The following TRAK1 variants were observed in gnomAD, a reference collection of about 807,000 sequenced individuals.
TRAK1 encodes the protein trafficking kinesin protein 1, also known as trafficking kinesin-binding protein 1.
TRAK1 carries 33 observed loss-of-function variants against 92.1 expected under a neutral mutation model. The observed-to-expected ratio is 0.36, with a 90% CI of 0.27 to 0.48. The LOEUF is 0.48. Among genes scored for constraint, TRAK1 ranks in the 20% least tolerant of loss-of-function variants. The pLI is 0.99. For missense variants in TRAK1, 1,123 were observed against 1,257.9 expected (o/e 0.89, Z 1.62); for synonymous variants, 521 against 517.3 (o/e 1.01, Z -0.10).
chr3:42,195,002 G>A, intron 10 of TRAK1, 61 bp downstream of exon 10: 1 of 1,588,500 alleles, frequency 6.3e-7, no homozygotes. Flanking sequence ...GGAGCACAGT[G>A]TCTGACATTC....
At chr3:42,029,534 G>A (rs927198270) in intron 1 of TRAK1, among the ~76,000 whole-genome samples, 39 of 151,632 alleles carry the variant, frequency 2.6e-4, no homozygotes, top group African/African-American at 8.5e-4. Context: ...GAGTCAGTGT[G>A]CCCAGCCTGA....
intron 1 of TRAK1, among the ~76,000 whole-genome samples, chr3:42,059,728 G>C (rs958291712): frequency 6.6e-6 from 1 of 152,194 alleles, no homozygotes; most frequent in East Asian, 1.9e-4. Flanking sequence ...CTTCTACAGA[G>C]AGACAGCTAG....
chr3:42,125,193 C>G (rs1710395982), intron 1 of TRAK1, among the ~76,000 whole-genome samples: 1 of 150,698 alleles, frequency 6.6e-6, no homozygotes, highest in East Asian at 1.9e-4. Flanking sequence ...ATAGTGGACA[C>G]TAAACAGCAG....
intron 14 of TRAK1, chr3:42,218,861 A>C: frequency 2.0e-6 from 2 of 985,346 alleles, no homozygotes; most frequent in Non-Finnish European, 2.4e-6. Flanking sequence ...CTGATCCTGG[A>C]GCTCAGGACC....
intron 2 of TRAK1, among the ~76,000 whole-genome samples, chr3:42,165,987 C>A (rs1478609748): frequency 6.6e-6 from 1 of 152,052 alleles, no homozygotes; most frequent in Admixed American, 6.5e-5. Context: ...GGGGCCTGTC[C>A]CGTGTCCCTC....
At chr3:42,122,433 T>C (rs921726406) in intron 1 of TRAK1, among the ~76,000 whole-genome samples, 2 of 152,078 alleles carry the variant, frequency 1.3e-5, no homozygotes, top group South Asian at 2.1e-4. Context: ...GGGTGTGTCA[T>C]GCGGGAATGT....
intron 1 of TRAK1, among the ~76,000 whole-genome samples, chr3:42,071,349 G>A (rs957706966): frequency 1.3e-5 from 2 of 152,120 alleles, no homozygotes; most frequent in Admixed American, 6.5e-5. Context: ...GGTGGATAAG[G>A]TTCATTCCTA....
chr3:42,170,994 T>G (rs1386125153), intron 2 of TRAK1, among the ~76,000 whole-genome samples: 1 of 151,942 alleles, frequency 6.6e-6, no homozygotes, highest in Admixed American at 6.6e-5. Flanking sequence ...CTGCTAATTT[T>G]TTTTTTGTAT....
At chr3:42,175,327 C>G (rs2149357496) in intron 2 of TRAK1, among the ~76,000 whole-genome samples, 1 of 152,288 alleles carries the variant, frequency 6.6e-6, no homozygotes, top group Non-Finnish European at 1.5e-5. Flanking sequence ...GCATAGGAGT[C>G]TTCACTTAAG....
chr3:42,032,928 A>G (rs1320401403), intron 1 of TRAK1, among the ~76,000 whole-genome samples: 2 of 152,198 alleles, frequency 1.3e-5, no homozygotes, highest in African/African-American at 2.4e-5. Context: ...CTCTTGAAAC[A>G]AAACAAACCA....
At chr3:42,205,410 C>T (rs1454533272) in intron 13 of TRAK1, among the ~76,000 whole-genome samples, 1 of 152,260 alleles carries the variant, frequency 6.6e-6, no homozygotes, top group African/African-American at 2.4e-5. Flanking sequence ...CATCTGGCTC[C>T]GTTACCTGTT....
At chr3:42,132,033 C>CA (rs768122807) in intron 2 of TRAK1, among the ~76,000 whole-genome samples, 1 of 151,938 alleles carries the variant, frequency 6.6e-6, no homozygotes, top group Non-Finnish European at 1.5e-5. Context: ...CGTGCCACTG[C>CA]ACTCCAGCCT....
chr3:42,166,813 C>T (rs745665243), intron 2 of TRAK1, among the ~76,000 whole-genome samples: 3 of 152,238 alleles, frequency 2.0e-5, no homozygotes, highest in Non-Finnish European at 4.4e-5. Flanking sequence ...GTTTTGGCCT[C>T]TGTCCTTGGC....
At chr3:42,178,140 G>A (rs1001752233) in intron 3 of TRAK1, among the ~76,000 whole-genome samples, 1 of 152,118 alleles carries the variant, frequency 6.6e-6, no homozygotes, top group African/African-American at 2.4e-5. Context: ...CCCCGTTCGG[G>A]TCATTGAGTC....
At chr3:42,026,181 G>T (rs1365521905) in intron 1 of TRAK1, among the ~76,000 whole-genome samples, 1 of 152,104 alleles carries the variant, frequency 6.6e-6, no homozygotes, top group Non-Finnish European at 1.5e-5. Context: ...GAAACTAGAA[G>T]AGGACTCAGA....
intron 14 of TRAK1, chr3:42,210,398 G>T: frequency 8.2e-7 from 1 of 1,225,788 alleles, no homozygotes; most frequent in Non-Finnish European, 1.0e-6. Context: ...AGCAGGAAAG[G>T]CTGCTAAAAA....
chr3:42,197,002 T>TCACACACACACACACA (rs773977076), intron 10 of TRAK1, among the ~76,000 whole-genome samples: 1 of 103,528 alleles, frequency 9.7e-6, no homozygotes, highest in African/African-American at 3.2e-5. Context: ...TCTCTCTCTC[T>TCACACACACACACACA]CACACACACA....
chr3:42,115,288 TG>T (rs1709028893), intron 1 of TRAK1, among the ~76,000 whole-genome samples: 1 of 152,194 alleles, frequency 6.6e-6, no homozygotes, highest in Non-Finnish European at 1.5e-5. Context: ...TGTGACATTT[TG>T]GGGCCTCCGT....
At chr3:42,117,006 A>G (rs1709250036) in intron 1 of TRAK1, among the ~76,000 whole-genome samples, 1 of 152,074 alleles carries the variant, frequency 6.6e-6, no homozygotes, top group African/African-American at 2.4e-5. Context: ...AGTATTCAAC[A>G]TTTAGAAATC....
Sources: allele counts gnomAD v4.1 joint callset (sites outside exome capture counted in the v4.1 genomes callset), GRCh38; gene constraint gnomAD v4.1.1; transcripts MANE v1.5; gene names NCBI Gene and HGNC (gene_info 2026-07-23, HGNC 2026-07-21).